The following HOXC5 variants were observed in gnomAD, a reference collection of about 807,000 sequenced individuals.
The protein encoded by HOXC5 is homeobox protein Hox-C5.
Under a neutral mutation model 20.1 loss-of-function variants are expected in HOXC5, and 19 were observed. The observed-to-expected ratio is 0.94, with a 90% CI of 0.66 to 1.38. The LOEUF is 1.38. HOXC5 is among the 40% of genes most tolerant of loss of function. HOXC5 has a pLI of 0.00. For synonymous variants in HOXC5, 124 were observed against 117.0 expected (o/e 1.06, Z -0.39); for missense variants, 330 against 300.1 (o/e 1.10, Z -0.74).
In HOXC5 at chr12:54,033,412, G is replaced by T; in HGVS notation, c.290G>T (p.Gly97Val). 2 of 1,610,304 alleles carry T rather than the reference G, an allele frequency of 1.2e-6. No homozygotes were observed. Among genetic ancestry groups the T allele is most frequent in the Non-Finnish European group, 1.7e-6 (2 of 1,178,744 alleles). Residue 97 changes from glycine to valine, a missense_variant, in exon 1 of 2, where the codon GGG (glycine) becomes GTG (valine). Physicochemically the swap from Gly to Val is moderately radical, Grantham distance 109. Coordinates refer to ENST00000312492, the MANE Select transcript of HOXC5 (RefSeq NM_018953.4). Reference sequence around the variant, plus strand: ...GACGAAGCGGCTCCTCTGAACCCCGGGATGTACAGTCAGAAGGCGGCTCGC... The same window carrying T: ...GACGAAGCGGCTCCTCTGAACCCCGTGATGTACAGTCAGAAGGCGGCTCGC... ...GRDEAAPLNP[G>V]MYSQKAARPA...
chr12:54,028,770 G>A, upstream of HOXC5: 1 of 1,614,124 alleles, frequency 6.2e-7, no homozygotes, highest in Non-Finnish European at 8.5e-7. Context: ...AGAAAGACAT[G>A]CTCTCAAACT....
the HOXC5 span, among the ~76,000 whole-genome samples, chr12:54,025,539 AGG>A: frequency 1.7e-4 from 4 of 23,706 alleles, no homozygotes; most frequent in African/African-American, 7.1e-4. Flanking sequence ...GGGGGGGGGG[AGG>A]TGTTGAAAAT....
At chr12:54,029,847 A>G (rs1940913196), upstream of HOXC5, 1 of 1,614,056 alleles carries the variant, frequency 6.2e-7, no homozygotes, top group African/African-American at 1.3e-5. Flanking sequence ...AAGTGGAAAA[A>G]AGAATCTAAT....
At chr12:54,026,233 G>A in the HOXC5 span, among the ~76,000 whole-genome samples, 2 of 152,122 alleles carry the variant, frequency 1.3e-5, no homozygotes, top group African/African-American at 2.4e-5. Context: ...GTGTCCAGGG[G>A]TGCACTGACT....
the HOXC5 span, among the ~76,000 whole-genome samples, chr12:54,019,207 C>A: frequency 9.0e-6 from 1 of 111,538 alleles, no homozygotes; most frequent in South Asian, 3.2e-4. Context: ...ACTTGTGTGT[C>A]GGCAGAGGCG....
At chr12:54,018,543 G>A in the HOXC5 span, among the ~76,000 whole-genome samples, 2 of 152,232 alleles carry the variant, frequency 1.3e-5, no homozygotes, top group African/African-American at 4.8e-5. Context: ...ATGGCCTGTT[G>A]TATAGTCTTA....
the HOXC5 span, among the ~76,000 whole-genome samples, chr12:54,026,242 C>T: frequency 6.6e-6 from 1 of 152,156 alleles, no homozygotes; most frequent in Admixed American, 6.5e-5. Flanking sequence ...GGTGCACTGA[C>T]TTGTTCCCTA....
At chr12:54,027,399 C>T in the HOXC5 span, among the ~76,000 whole-genome samples, 1 of 152,204 alleles carries the variant, frequency 6.6e-6, no homozygotes, top group Admixed American at 6.5e-5. Context: ...CTTGAGCCTG[C>T]AGGAAGCTAA....
At chr12:54,028,444 C>T, upstream of HOXC5, 1 of 1,468,956 alleles carries the variant, frequency 6.8e-7, no homozygotes. Flanking sequence ...GTCCCTATAA[C>T]CATCTAGTTC....
At chr12:54,029,840 T>A (rs777768728), upstream of HOXC5, 26 of 1,612,178 alleles carry the variant, frequency 1.6e-5, no homozygotes, top group Admixed American at 5.0e-5. Context: ...CCGGATGAAG[T>A]GGAAAAAAGA....
chr12:54,028,655 C>T (rs1281566538), upstream of HOXC5: 11 of 1,614,040 alleles, frequency 6.8e-6, no homozygotes, highest in African/African-American at 1.3e-5. Flanking sequence ...GCGGCCGTTG[C>T]CCAGAACCGG....
the HOXC5 span, among the ~76,000 whole-genome samples, chr12:54,027,940 AG>A: frequency 6.6e-6 from 1 of 152,114 alleles, no homozygotes; most frequent in African/African-American, 2.4e-5. Flanking sequence ...ATACTAGTTT[AG>A]TGATGGGACT....
chr12:54,028,673 C>T, upstream of HOXC5: 2 of 1,614,108 alleles, frequency 1.2e-6, no homozygotes, highest in Admixed American at 1.7e-5. Flanking sequence ...CGGATCTACT[C>T]GACTCCCTTT....
the HOXC5 span, among the ~76,000 whole-genome samples, chr12:54,023,024 G>A: frequency 2.0e-5 from 3 of 152,202 alleles, no homozygotes; most frequent in Admixed American, 1.3e-4. Flanking sequence ...TTTTTCTCCT[G>A]GGCCAAGCAG....
the HOXC5 span, among the ~76,000 whole-genome samples, chr12:54,023,791 GC>G: frequency 5.3e-5 from 8 of 152,252 alleles, no homozygotes; most frequent in Admixed American, 4.6e-4. Flanking sequence ...GGTGTGTGTA[GC>G]GGGGGCAGGT....
the HOXC5 span, among the ~76,000 whole-genome samples, chr12:54,027,781 G>T: frequency 6.6e-6 from 1 of 152,162 alleles, no homozygotes; most frequent in Non-Finnish European, 1.5e-5. Flanking sequence ...CTCTGCCACT[G>T]TACCCTGAAG....
In HOXC5 at chr12:54,033,571, G is replaced by A. The variant is rs1320436290; in HGVS notation, c.449G>A (p.Ser150Asn). Residue 150 changes from serine (S) to asparagine (N), a missense_variant, in exon 1 of 2, where the codon AGC becomes AAC. By Grantham distance (46) the Ser-to-Asn change is conservative. Coordinates refer to ENST00000312492, the MANE Select transcript of HOXC5 (RefSeq NM_018953.4). ...IYPWMTKLHM[S>N]HETDGKRSRT... ...CCGTGGATGACCAAACTGCACATGA[G>A]CCACGGTAAACTTTAGGACTTCATT... 6.3e-7 allele frequency: 1 copy of A among 1,579,998 alleles called. No homozygotes were observed. The highest frequency in any genetic ancestry group is 8.6e-7 in the Non-Finnish European group (1 of 1,167,426).
At chr12:54,032,963 T>G (rs1941043268), upstream of HOXC5, 3 of 641,994 alleles carry the variant, frequency 4.7e-6, no homozygotes, top group Non-Finnish European at 7.9e-6. Flanking sequence ...GTGACTCTAT[T>G]TAAGGCTCCC....
At chr12:54,024,268 G>A in the HOXC5 span, among the ~76,000 whole-genome samples, 2 of 152,264 alleles carry the variant, frequency 1.3e-5, no homozygotes, top group African/African-American at 4.8e-5. Flanking sequence ...GGGCAGCTGC[G>A]GTCGCGTCCA....
Sources: allele counts gnomAD v4.1 joint callset (sites outside exome capture counted in the v4.1 genomes callset), GRCh38; gene constraint gnomAD v4.1.1; transcripts MANE v1.5; gene names NCBI Gene and HGNC (gene_info 2026-07-23, HGNC 2026-07-21).